The following CFAP44 variants were observed in gnomAD, a reference collection of about 807,000 sequenced individuals.
The protein encoded by CFAP44 is cilia- and flagella-associated protein 44.
A neutral mutation model predicts 216.2 loss-of-function variants in CFAP44; 134 were observed. That is an observed-to-expected ratio of 0.62 (90% CI 0.54 to 0.72). The LOEUF is 0.72. CFAP44 is among the 30% of genes least tolerant of loss of function. CFAP44 has a pLI of 0.00. For missense variants in CFAP44, 2,035 were observed against 2,182.1 expected, an observed-to-expected ratio of 0.93 and a Z score of 1.34; for synonymous variants, 700 against 727.6, an observed-to-expected ratio of 0.96 and a Z score of 0.61.
intron 24 of CFAP44, among the ~76,000 whole-genome samples, chr3:113,337,907 T>G (rs1347277996): frequency 6.6e-6 from 1 of 152,026 alleles, no homozygotes; most frequent in African/African-American, 2.4e-5. Flanking sequence ...AAGATTTATA[T>G]AAGGAAAATT....
At chr3:113,292,497 C>T (rs1427795383) in intron 34 of CFAP44, among the ~76,000 whole-genome samples, 1 of 152,198 alleles carries the variant, frequency 6.6e-6, no homozygotes, top group African/African-American at 2.4e-5. Context: ...TGCATGAATA[C>T]ATCTGTGAAA....
intron 18 of CFAP44, among the ~76,000 whole-genome samples, chr3:113,370,189 CA>C (rs1331306286): frequency 6.6e-6 from 1 of 152,112 alleles, no homozygotes; most frequent in Non-Finnish European, 1.5e-5. Flanking sequence ...GAAACTATTC[CA>C]ATCAATAGAA....
intron 25 of CFAP44, among the ~76,000 whole-genome samples, chr3:113,331,504 CAT>C (rs1950240899): frequency 6.6e-6 from 1 of 151,962 alleles, no homozygotes; most frequent in African/African-American, 2.4e-5. Flanking sequence ...ACAAAAGCTA[CAT>C]ATATATTTAC....
At chr3:113,305,695 G>A (rs75400503) in intron 30 of CFAP44, among the ~76,000 whole-genome samples, 3,028 of 152,244 alleles carry the variant, frequency 0.02, 96 homozygotes, top group African/African-American at 0.069. Context: ...CTCTAGACAA[G>A]AGTACCTAAG....
At chr3:113,436,148 T>A (rs1408188798) in intron 1 of CFAP44, among the ~76,000 whole-genome samples, 2 of 152,202 alleles carry the variant, frequency 1.3e-5, no homozygotes, top group Admixed American at 6.5e-5. Context: ...AGCAGTCTAG[T>A]GTGTTGGCCA....
At chr3:113,332,450 A>C (rs960366335) in intron 25 of CFAP44, among the ~76,000 whole-genome samples, 4 of 152,216 alleles carry the variant, frequency 2.6e-5, no homozygotes, top group African/African-American at 9.6e-5. Flanking sequence ...ATTTGTCAGA[A>C]AATTACAAAA....
At chr3:113,410,803 G>A (rs1934445150) in intron 6 of CFAP44, among the ~76,000 whole-genome samples, 1 of 152,186 alleles carries the variant, frequency 6.6e-6, no homozygotes, top group Non-Finnish European at 1.5e-5. Flanking sequence ...ATCCTCTCCA[G>A]CATCTGTTGT....
intron 32 of CFAP44, among the ~76,000 whole-genome samples, chr3:113,302,457 TAAAAA>T (rs60866565): frequency 2.6e-5 from 2 of 75,812 alleles, no homozygotes; most frequent in Admixed American, 1.6e-4. Flanking sequence ...CTAGACAAAG[TAAAAA>T]AAAAAAAAAA....
intron 4 of CFAP44, among the ~76,000 whole-genome samples, chr3:113,423,613 G>T (rs1187155842): frequency 6.6e-6 from 1 of 152,018 alleles, no homozygotes; most frequent in East Asian, 1.9e-4. Flanking sequence ...GTTTTTTCAT[G>T]GCCATCTAGA....
intron 1 of CFAP44, among the ~76,000 whole-genome samples, chr3:113,437,190 G>T (rs980130397): frequency 2.6e-5 from 4 of 151,652 alleles, no homozygotes; most frequent in Non-Finnish European, 4.4e-5. Flanking sequence ...AATGGGTCAA[G>T]TTCACCTAGT....
chr3:113,306,224 C>T lies in CFAP44; in HGVS notation c.4735G>A (p.Glu1579Lys). The T allele has an allele frequency of 6.5e-7, 1 of 1,536,540 alleles. No homozygotes were observed. The change falls in exon 30 of 35, where the codon GAA (glutamate) becomes AAA (lysine). Residue 1579 changes from glutamate (E) to lysine (K), a missense_variant. Around this residue, in one of 3 missense-constraint regions of CFAP44, gnomAD observed 1,883 missense variants for 2,023.7 expected, o/e 0.93. Coordinates refer to ENST00000393845, the MANE Select transcript of CFAP44 (RefSeq NM_001164496.2). The part of the protein sequence containing the change: ...EKKIVDNLKK[E>K]YDTLSKKVKI... ...ACTTTTTTTGACAATGTATCATATT[C>T]CTTTTTGAGGTTATCAACAATTTTC...
chr3:113,431,191 A>G (rs758433834), intron 2 of CFAP44, among the ~76,000 whole-genome samples: 6 of 152,146 alleles, frequency 3.9e-5, no homozygotes. Flanking sequence ...AGCCAGGAGG[A>G]AGAGACCTCT....
At chr3:113,321,491 A>G (rs1210017221) in intron 28 of CFAP44, among the ~76,000 whole-genome samples, 1 of 152,222 alleles carries the variant, frequency 6.6e-6, no homozygotes, top group African/African-American at 2.4e-5. Flanking sequence ...TCACCATTCT[A>G]TTCAACAAAG....
chr3:113,302,617 C>G (rs886900268), intron 32 of CFAP44, among the ~76,000 whole-genome samples: 2 of 150,600 alleles, frequency 1.3e-5, no homozygotes, highest in Non-Finnish European at 3.0e-5. Flanking sequence ...AAAAATGAGC[C>G]GGGCGTGGTG....
intron 28 of CFAP44, among the ~76,000 whole-genome samples, chr3:113,317,750 G>T (rs566860129): frequency 6.6e-6 from 1 of 152,348 alleles, no homozygotes; most frequent in South Asian, 2.1e-4. Flanking sequence ...TGAGTTCCTG[G>T]GCTGGGGTGA....
At chr3:113,352,680 T>C (rs900733662) in intron 22 of CFAP44, among the ~76,000 whole-genome samples, 3 of 151,912 alleles carry the variant, frequency 2.0e-5, no homozygotes, top group Non-Finnish European at 4.4e-5. Context: ...ATGTGGGAAA[T>C]AAACAGAACC....
At chr3:113,427,007 A>T (rs924193002) in intron 3 of CFAP44, 180 bp downstream of exon 3, 56 of 617,642 alleles carry the variant, frequency 9.1e-5, no homozygotes, top group Middle Eastern at 8.8e-4. Context: ...CTCAGAAATA[A>T]AAACCACAAG....
intron 28 of CFAP44, among the ~76,000 whole-genome samples, chr3:113,325,435 G>A (rs1042217277): frequency 2.6e-5 from 4 of 151,532 alleles, no homozygotes; most frequent in Non-Finnish European, 4.4e-5. Context: ...GAGATATATT[G>A]TGCCTTTTTT....
Position 113,407,031 on chromosome 3 carries a change from T to C in CFAP44, c.901A>G (p.Met301Val). The C allele has an allele frequency of 1.2e-6, 2 of 1,614,028 alleles. No individual in the cohort carries two copies. The highest frequency in any genetic ancestry group is 8.5e-7 in the Non-Finnish European group (1 of 1,179,896). The change falls in exon 8 of 35, where the codon ATG (methionine) becomes GTG (valine). Residue 301 changes from methionine to valine, a missense_variant. Transcript: ENST00000393845. The stretch of plus-strand genomic sequence containing the variant: ...TTGAGACCGGTGAACGTAAAAGCCA[T>C]TTCCCAGAACCTACAAACAAGAAAG... ...SGSGHIKFWEMAFTFTGLKLQ... is the reference protein window; with the variant it reads ...SGSGHIKFWEVAFTFTGLKLQ...
Sources: allele counts gnomAD v4.1 joint callset (sites outside exome capture counted in the v4.1 genomes callset), GRCh38; gene constraint gnomAD v4.1.1; regional missense constraint gnomAD v4.1.1; transcripts MANE v1.5; gene names NCBI Gene and HGNC (gene_info 2026-07-23, HGNC 2026-07-21).